Variants in ACBD6 observed in about 807,000 individuals in gnomAD.
The protein encoded by ACBD6 is acyl-CoA-binding domain-containing protein 6.
Under a neutral mutation model 37.2 loss-of-function variants are expected in ACBD6, and 28 were observed. The ratio of observed to expected loss-of-function variants is 0.75; its 90% CI spans 0.56 to 1.03. The LOEUF is 1.03. Among genes scored for constraint, ACBD6 ranks in the 50% least tolerant of loss-of-function variants. The pLI, the probability that ACBD6 is intolerant of heterozygous loss-of-function variation, is 0.00. For synonymous variants in ACBD6, 113 were observed against 126.8 expected, an observed-to-expected ratio of 0.89 and a Z score of 0.73; for missense variants, 340 against 337.4, an observed-to-expected ratio of 1.01 and a Z score of -0.06.
chr1:180,333,518 ATATT>A (rs1443507560), intron 6 of ACBD6, among the ~76,000 whole-genome samples: 1 of 152,200 alleles, frequency 6.6e-6, no homozygotes, highest in Admixed American at 6.5e-5. Flanking sequence ...ATTTATGTAA[ATATT>A]TATCTGCAAG....
intron 6 of ACBD6, among the ~76,000 whole-genome samples, chr1:180,316,495 A>T (rs17372281): frequency 0.16 from 24,021 of 152,064 alleles, 1,953 homozygotes; most frequent in Middle Eastern, 0.23. Context: ...GCAAGGTTGT[A>T]TTTTCCACAA....
At chr1:180,347,360 G>GTGTTTT (rs1553296138) in intron 6 of ACBD6, among the ~76,000 whole-genome samples, 19 of 49,086 alleles carry the variant, frequency 3.9e-4, no homozygotes, top group East Asian at 1.6e-3. Flanking sequence ...TCAACAGAAA[G>GTGTTTT]TTTTTTTTTT....
intron 3 of ACBD6, among the ~76,000 whole-genome samples, chr1:180,447,341 G>A (rs970331304): frequency 6.6e-6 from 1 of 151,774 alleles, no homozygotes; most frequent in African/African-American, 2.4e-5. Context: ...TAATTAATAT[G>A]GTCAACAGAA....
chr1:180,274,938 T>A (rs1318939460), exon 10 of ACBD6: 1 of 206,776 alleles, frequency 4.8e-6, no homozygotes, highest in Non-Finnish European at 9.8e-6. Context: ...GGAACTTTGC[T>A]CCAACTGGTG....
At chr1:180,415,234 TA>T (rs1462971204) in intron 4 of ACBD6, among the ~76,000 whole-genome samples, 1 of 151,746 alleles carries the variant, frequency 6.6e-6, no homozygotes, top group Non-Finnish European at 1.5e-5. Flanking sequence ...CCGTTTCTAC[TA>T]AAAATACACA....
At chr1:180,431,303 T>C (rs944799980) in intron 3 of ACBD6, among the ~76,000 whole-genome samples, 1 of 152,130 alleles carries the variant, frequency 6.6e-6, no homozygotes, top group Non-Finnish European at 1.5e-5. Context: ...TTTGAGGAGA[T>C]GAATCAAGTC....
At chr1:180,429,460 T>C (rs946538868) in intron 4 of ACBD6, among the ~76,000 whole-genome samples, 1 of 152,226 alleles carries the variant, frequency 6.6e-6, no homozygotes, top group African/African-American at 2.4e-5. Flanking sequence ...TAAGGCTGAA[T>C]AATATTCCAT....
intron 3 of ACBD6, among the ~76,000 whole-genome samples, chr1:180,465,443 A>C (rs753981245): frequency 3.3e-5 from 5 of 152,210 alleles, no homozygotes; most frequent in Non-Finnish European, 5.9e-5. Context: ...GAGAAATGCA[A>C]ATCAAATCCA....
intron 6 of ACBD6, among the ~76,000 whole-genome samples, chr1:180,361,161 A>G (rs1208763889): frequency 1.3e-5 from 2 of 152,242 alleles, no homozygotes; most frequent in African/African-American, 4.8e-5. Context: ...CTGCTTTGCA[A>G]AGCCCAGTCA....
intron 3 of ACBD6, among the ~76,000 whole-genome samples, chr1:180,477,399 T>C (rs1650840087): frequency 6.6e-6 from 1 of 152,174 alleles, no homozygotes; most frequent in Admixed American, 6.5e-5. Context: ...TCCTAAATAT[T>C]GCATAACTCT....
rs185057393 is a variant in ACBD6 at position 180,411,057 on chromosome 1, A to G, written c.573+2309T>C. Reference sequence around the variant, plus strand: ...AGATAAGGATTCAAGACTTCAGTGGAAAAGTTACTTGCAGATGTAACTGCA... The same window carrying G: ...AGATAAGGATTCAAGACTTCAGTGGGAAAGTTACTTGCAGATGTAACTGCA... On this transcript the variant is annotated intron_variant, in intron 5 of 7. Coordinates refer to ENST00000367595, the MANE Select transcript of ACBD6 (RefSeq NM_032360.4). Among the ~76,000 whole-genome samples the G allele has an allele frequency of 6.8e-3, 1,041 of 152,344 alleles. 48 individuals are homozygous for G. Among genetic ancestry groups the G allele is most frequent in the Admixed American group, 0.065 (987 of 15,292 alleles).
chr1:180,490,114 G>A (rs1170869243), intron 3 of ACBD6, among the ~76,000 whole-genome samples: 2 of 152,160 alleles, frequency 1.3e-5, no homozygotes, highest in African/African-American at 2.4e-5. Flanking sequence ...GGAAGGATGA[G>A]AACACAGTGA....
intron 2 of ACBD6, among the ~76,000 whole-genome samples, chr1:180,493,121 C>T (rs959338877): frequency 4.0e-5 from 6 of 151,478 alleles, no homozygotes; most frequent in South Asian, 2.1e-4. Flanking sequence ...TGGTGGTGTG[C>T]GCCTGTAGTC....
rs533004062 is a variant in ACBD6, at chr1:180,421,857, GT to G, written c.467+8322del. The stretch of plus-strand genomic sequence containing the variant: ...TCATGTCTTTTGCCCACTTTCTAAT[GT>G]TTTTTTTTCTTGTAAATTTGCTTAT... On this transcript the variant is annotated intron_variant, in intron 4 of 7. Coordinates refer to ENST00000367595, the MANE Select transcript of ACBD6 (RefSeq NM_032360.4). 2.4e-4 allele frequency among the ~76,000 whole-genome samples: 36 copies of G among 151,174 alleles called. No homozygotes were observed. The East Asian group carries it at 5.8e-3, about 24-fold the overall frequency.
intron 6 of ACBD6, among the ~76,000 whole-genome samples, chr1:180,372,667 C>T (rs1338319893): frequency 1.3e-5 from 2 of 152,082 alleles, no homozygotes; most frequent in African/African-American, 4.8e-5. Flanking sequence ...AAAAATGCAT[C>T]CTTAGAGAAT....
At chr1:180,285,400 T>C (rs1196746151), downstream of ACBD6, among the ~76,000 whole-genome samples, 1 of 152,172 alleles carries the variant, frequency 6.6e-6, no homozygotes, top group Non-Finnish European at 1.5e-5. Context: ...AATATAATAT[T>C]GTAACTATGA....
chr1:180,288,652 G>C (rs918933730), intron 7 of ACBD6, 135 bp from the exon 8 acceptor site: 3 of 1,078,458 alleles, frequency 2.8e-6, no homozygotes, highest in Non-Finnish European at 4.1e-6. Context: ...CTGAAGGATG[G>C]TCAGGCCTGG....
intron 6 of ACBD6, among the ~76,000 whole-genome samples, chr1:180,356,738 T>C (rs1652642814): frequency 6.6e-6 from 1 of 151,404 alleles, no homozygotes; most frequent in Non-Finnish European, 1.5e-5. Flanking sequence ...TAGTCTCAGC[T>C]ACTTGGGAGG....
chr1:180,396,319 C>T (rs1391130072), intron 6 of ACBD6, among the ~76,000 whole-genome samples: 2 of 151,522 alleles, frequency 1.3e-5, no homozygotes, highest in Admixed American at 1.3e-4. Flanking sequence ...TATTTTACCA[C>T]AATAAAAAAG....
Sources: allele counts gnomAD v4.1 joint callset (sites outside exome capture counted in the v4.1 genomes callset), GRCh38; gene constraint gnomAD v4.1.1; transcripts MANE v1.5; gene names NCBI Gene and HGNC (gene_info 2026-07-23, HGNC 2026-07-21).